Variants in PTCD3 observed in about 807,000 individuals in gnomAD.
The protein encoded by PTCD3 is pentatricopeptide repeat domain 3.
Under a neutral mutation model 101.9 loss-of-function variants are expected in PTCD3, and 89 were observed. The ratio of observed to expected loss-of-function variants is 0.87; its 90% confidence interval spans 0.74 to 1.04. PTCD3 has a LOEUF of 1.04. PTCD3 is among the 50% of genes least tolerant of loss of function. The pLI is 0.00. For synonymous variants in PTCD3, 296 were observed against 278.5 expected, an observed-to-expected ratio of 1.06 and a Z score of -0.63; for missense variants, 870 against 828.2, an observed-to-expected ratio of 1.05 and a Z score of -0.62.
At chr2:86,134,752 C>T (rs1245435847) in intron 20 of PTCD3, 87 bp from the exon 21 acceptor site, 3 of 1,450,590 alleles carry the variant, frequency 2.1e-6, no homozygotes, top group Middle Eastern at 2.4e-4. Context: ...ATGCATTGCT[C>T]AGATTTTAAG....
chr2:86,127,687 T>C, intron 13 of PTCD3: 1 of 504,986 alleles, frequency 2.0e-6, no homozygotes. Flanking sequence ...TTCACTTCAA[T>C]ATATTTTACT....
intron 8 of PTCD3, among the ~76,000 whole-genome samples, chr2:86,122,359 T>C (rs747113206): frequency 3.9e-4 from 60 of 152,220 alleles, no homozygotes; most frequent in Non-Finnish European, 8.4e-4. Flanking sequence ...ATGGGATTAT[T>C]GGTGTTTTTC....
intron 14 of PTCD3, among the ~76,000 whole-genome samples, chr2:86,128,585 A>G (rs563088997): frequency 1.3e-5 from 2 of 152,292 alleles, no homozygotes; most frequent in East Asian, 3.9e-4. Context: ...GCAGATTCAG[A>G]ACATTTCCAT....
chr2:86,110,540 T>A (rs765429923), intron 3 of PTCD3, among the ~76,000 whole-genome samples: 29 of 152,228 alleles, frequency 1.9e-4, no homozygotes, highest in Admixed American at 6.5e-5. Context: ...TCAGTAAAGG[T>A]CTCTACTCAG....
intron 14 of PTCD3, 83 bp downstream of exon 14, chr2:86,128,074 T>A: frequency 9.0e-7 from 1 of 1,109,386 alleles, no homozygotes; most frequent in Non-Finnish European, 1.4e-6. Context: ...GTTGTAGTTA[T>A]CTTCTCTGCA....
At position 86,130,779 on chromosome 2, in the gene PTCD3, G is replaced by A. The variant is rs762755638; in HGVS notation, c.1237+42G>A. ...CTTGTGTTTTCCTCCTCTAAAGACA[G>A]AGGGCCGGTTTACCTGAGTACCAGT... On this transcript the variant is annotated intron_variant, in intron 15 of 23. Coordinates refer to ENST00000254630, the MANE Select transcript of PTCD3 (RefSeq NM_017952.6). 2.4e-5 allele frequency: 38 copies of A among 1,606,748 alleles called. 1 individual carries two copies. The South Asian group carries it at 3.1e-4, about 13-fold the overall frequency.
intron 3 of PTCD3, among the ~76,000 whole-genome samples, chr2:86,110,059 A>G (rs1674047021): frequency 6.6e-6 from 1 of 152,210 alleles, no homozygotes; most frequent in South Asian, 2.1e-4. Flanking sequence ...AAGATAATGT[A>G]TGATACCTTT....
intron 14 of PTCD3, among the ~76,000 whole-genome samples, chr2:86,128,900 T>C (rs1674446247): frequency 6.6e-6 from 1 of 152,240 alleles, no homozygotes; most frequent in South Asian, 2.1e-4. Flanking sequence ...TATGAGGCAC[T>C]CAAAATCTTT....
chr2:86,109,431 A>G (rs757647554), intron 3 of PTCD3, among the ~76,000 whole-genome samples: 21 of 151,910 alleles, frequency 1.4e-4, no homozygotes, highest in Non-Finnish European at 2.5e-4. Flanking sequence ...ACTTGGGTTC[A>G]TTTAAAAAGA....
rs1674455305 is a variant in PTCD3, at chr2:86,129,366, T to C, written c.1148-1282T>C. ...TCTTATGTATATAAATTTGCCTGTC[T>C]GCAGCAGTAGTTTTGGCTTACGCCT... On this transcript the variant is annotated intron_variant, in intron 14 of 23. Transcript: ENST00000254630. 2.0e-5 allele frequency among the ~76,000 whole-genome samples: 3 copies of C among 152,254 alleles called. No homozygotes were observed. The South Asian group carries it at 6.2e-4, about 32-fold the overall frequency.
rs70953987 is a variant in PTCD3 at position 86,119,360 on chromosome 2, C to CTT, written c.538+329_538+330dup. 1.7e-3 allele frequency among the ~76,000 whole-genome samples: 236 copies of CTT among 141,304 alleles called. 2 individuals carry two copies. The highest frequency in any genetic ancestry group is 5.8e-3 in the African/African-American group (226 of 38,720). 92.7% of individuals were successfully genotyped at this position (141,304 alleles called of 152,430 possible). ...CTCCCAGATTTCCTGTACCCTTTTC[C>CTT]TTTTTTTTTTTTTTGAGATGGAGTC... On this transcript the variant is annotated intron_variant, in intron 7 of 23. Coordinates refer to ENST00000254630, the MANE Select transcript of PTCD3 (RefSeq NM_017952.6).
In PTCD3 at chr2:86,127,973, C is replaced by T. The variant is rs573871763; in HGVS notation, c.1129C>T (p.Arg377Cys). 3.5e-5 allele frequency: 56 copies of T among 1,610,060 alleles called. No homozygotes were observed. The highest frequency in any genetic ancestry group is 3.0e-4 in the Admixed American group (18 of 60,012). ...GCTTGCAACATATCACCATATTATTCGCCTGTTTGATCAACCTGGTATGTA... is the reference window on the plus strand; with the variant it reads ...GCTTGCAACATATCACCATATTATTTGCCTGTTTGATCAACCTGGTATGTA... ...PSLATYHHII[R>C]LFDQPGDPLK... The change falls in exon 14 of 24, where the codon CGC becomes TGC. Residue 377 changes from arginine (R) to cysteine (C), a missense_variant. Coordinates refer to ENST00000254630, the MANE Select transcript of PTCD3 (RefSeq NM_017952.6).
At chr2:86,136,233 G>T (rs1674582500) in intron 21 of PTCD3, among the ~76,000 whole-genome samples, 1 of 152,162 alleles carries the variant, frequency 6.6e-6, no homozygotes, top group South Asian at 2.1e-4. Flanking sequence ...AGCATTTTTG[G>T]ATTAGGAATA....
intron 16 of PTCD3, among the ~76,000 whole-genome samples, chr2:86,131,371 C>T (rs1380467779): frequency 1.3e-5 from 2 of 152,008 alleles, no homozygotes; most frequent in African/African-American, 2.4e-5. Context: ...ATAGCTGGGA[C>T]TACAGGTGTG....
intron 1 of PTCD3, chr2:86,107,138 C>T (rs1290814678): frequency 4.2e-6 from 2 of 471,062 alleles, no homozygotes; most frequent in African/African-American, 2.0e-5. Flanking sequence ...GAAAGAGAAA[C>T]CACTCCATCT....
chr2:86,136,054 A>G (rs765535662), intron 21 of PTCD3: 12 of 518,304 alleles, frequency 2.3e-5, no homozygotes, highest in Non-Finnish European at 4.2e-5. Flanking sequence ...GCTGTACTTT[A>G]AGAGAGGGAA....
In PTCD3 at chr2:86,137,928, T is replaced by G. The variant is rs1485069578; in HGVS notation, c.*369T>G. ...CCTCTCCTGCTGCTGGACTTCTGCC[T>G]TTGTTGGCCTGATGTGCTGCTGTGA... is the stretch of plus-strand genomic sequence containing the variant. On this transcript the variant is annotated 3_prime_UTR_variant, in exon 24 of 24. Coordinates refer to ENST00000254630, the MANE Select transcript of PTCD3 (RefSeq NM_017952.6). 8.7e-6 allele frequency: 2 copies of G among 231,112 alleles called. No homozygotes were observed. Among genetic ancestry groups the G allele is most frequent in the Admixed American group, 9.5e-5 (2 of 21,108 alleles). The allele number at this position is 231,112 out of a possible 1,614,324, so 14.3% of individuals were successfully genotyped here. A position where few individuals can be genotyped will look rare whatever the true frequency, so the allele number is the denominator to read the frequency against.
intron 23 of PTCD3, 39 bp from the exon 24 acceptor site, chr2:86,137,430 T>G (rs1386856246): frequency 3.7e-6 from 6 of 1,611,676 alleles, no homozygotes; most frequent in Non-Finnish European, 5.1e-6. Flanking sequence ...AGCACCCAGT[T>G]GAATTGCAGT....
In PTCD3 at chr2:86,127,199, A is replaced by T. The variant is rs148105276; in HGVS notation, c.990A>T (p.Pro330=). 76 of 1,613,830 alleles carry T rather than the reference A, an allele frequency of 4.7e-5. 1 individual carries two copies. In the African/African-American group the frequency reaches 9.3e-4, roughly 20 times the overall value. ...ACATGGTTGCACAGAAGGTGAAACCAAATCTTCAGACTTTTAATACCATTC... is the reference window on the plus strand; with the variant it reads ...ACATGGTTGCACAGAAGGTGAAACCTAATCTTCAGACTTTTAATACCATTC... ...LRHMVAQKVK[P]NLQTFNTILK... is the part of the protein sequence containing the mutation. Residue 330 remains proline, a synonymous_variant, in exon 13 of 24, where the codon CCA becomes CCT. Transcript: ENST00000254630.
Sources: gnomAD v4.1 joint callset for allele counts (sites outside exome capture counted in the v4.1 genomes callset) on GRCh38, gnomAD v4.1.1 for gene constraint, MANE v1.5 for transcripts, NCBI Gene and HGNC (gene_info 2026-07-23, HGNC 2026-07-21) for gene names.